ARMC9: variants seen among roughly 807,000 people sequenced by gnomAD.
ARMC9 encodes the protein armadillo repeat containing 9, also known as lisH domain-containing protein ARMC9.
In ARMC9, 94 loss-of-function variants were observed where a neutral mutation model predicts 107.0. That is an observed-to-expected ratio of 0.88 (90% CI 0.74 to 1.04). The LOEUF is 1.04. ARMC9 is among the 50% of genes least tolerant of loss of function. ARMC9 has a pLI of 0.00. For synonymous variants in ARMC9, 380 were observed against 396.9 expected (o/e 0.96, Z 0.51); for missense variants, 942 against 1,030.1 (o/e 0.91, Z 1.17).
Position 231,355,867 on chromosome 2 carries a change from A to G in ARMC9, c.2064A>G (p.Pro688=). ...HARNGHPQAL[P]AAHEAVYREG... ...GAAACGGCCACCCGCAGGCCCTGCC[A>G]GCCGCTCACGAGGCTGTCTACAGGG... The change falls in exon 22 of 25, where the codon CCA becomes CCG. Residue 688 remains proline, a synonymous_variant. Coordinates refer to ENST00000611582, the MANE Select transcript of ARMC9 (RefSeq NM_001352754.2). The G allele has an allele frequency of 6.5e-7, 1 of 1,536,140 alleles. No homozygotes were observed. Among genetic ancestry groups the G allele is most frequent in the Non-Finnish European group, 8.7e-7 (1 of 1,146,898 alleles).
rs1322469713 is a variant in ARMC9, at chr2:231,362,513, G to C, written c.2261+1630G>C. Reference sequence around the variant, plus strand: ...TCATTACATCAAGCAGCGTTGCCTAGCTGGCCCCCCAAGATTCTACTGAGC... The same window carrying C: ...TCATTACATCAAGCAGCGTTGCCTACCTGGCCCCCCAAGATTCTACTGAGC... On this transcript the variant is annotated intron_variant, in intron 23 of 24. Transcript: ENST00000611582. The surrounding 1 kb of genome is among the most constrained non-coding windows in gnomAD (Gnocchi z 4.7). Among the ~76,000 whole-genome samples the C allele has an allele frequency of 2.0e-5, 3 of 151,982 alleles. No individual in the cohort carries two copies. Among genetic ancestry groups the C allele is most frequent in the Non-Finnish European group, 4.4e-5 (3 of 67,990 alleles).
chr2:231,209,218 T>TA (rs1381791357), intron 3 of ARMC9, among the ~76,000 whole-genome samples: 1 of 151,882 alleles, frequency 6.6e-6, no homozygotes, highest in African/African-American at 2.4e-5. Context: ...CTCGTTTCTA[T>TA]AAAAAATAAA....
chr2:231,362,363 A>G lies in ARMC9; in HGVS notation c.2261+1480A>G, dbSNP rs2045624198. Among the ~76,000 whole-genome samples, 1 of 151,860 alleles carries G rather than the reference A, an allele frequency of 6.6e-6. No individual in the cohort carries two copies. The highest frequency in any genetic ancestry group is 1.5e-5 in the Non-Finnish European group (1 of 67,852). On this transcript the variant is annotated intron_variant, in intron 23 of 24. Coordinates refer to ENST00000611582, the MANE Select transcript of ARMC9 (RefSeq NM_001352754.2). This position sits in a 1 kb window ranked among gnomAD's most constrained non-coding sequence, Gnocchi z 4.7. ...GCCAGGCCAAACCTACGCTTCCGGT[A>G]TAGGCCACTTCTTTTTACTTCCTGC...
chr2:231,349,457 A>T (rs566996053), intron 21 of ARMC9, among the ~76,000 whole-genome samples: 1 of 152,046 alleles, frequency 6.6e-6, no homozygotes, highest in African/African-American at 2.4e-5. Flanking sequence ...TGGCTAGGGG[A>T]GTTGGAGAAG....
chr2:231,285,071 G>T (rs929212541), intron 17 of ARMC9, among the ~76,000 whole-genome samples: 2 of 151,986 alleles, frequency 1.3e-5, no homozygotes, highest in Non-Finnish European at 2.9e-5. Context: ...GGTGGCACGT[G>T]CCTGTAATTC....
chr2:231,238,459 T>C (rs1008130705), intron 8 of ARMC9, among the ~76,000 whole-genome samples: 12 of 152,148 alleles, frequency 7.9e-5, no homozygotes, highest in African/African-American at 2.2e-4. Flanking sequence ...AAGCCATCCT[T>C]TCACCTCAGC....
At chr2:231,230,058 C>G (rs1368447836) in intron 7 of ARMC9, among the ~76,000 whole-genome samples, 1 of 152,048 alleles carries the variant, frequency 6.6e-6, no homozygotes. Context: ...TAAGACATCT[C>G]CATTAAAAGT....
At chr2:231,301,804 C>A (rs1282985730) in intron 19 of ARMC9, among the ~76,000 whole-genome samples, 1 of 151,974 alleles carries the variant, frequency 6.6e-6, no homozygotes, top group Non-Finnish European at 1.5e-5. Flanking sequence ...CATGGTGAAA[C>A]CCTGTCTCTA....
At chr2:231,285,580 AGGTT>A (rs1288470241) in intron 17 of ARMC9, among the ~76,000 whole-genome samples, 3 of 151,348 alleles carry the variant, frequency 2.0e-5, no homozygotes, top group African/African-American at 7.3e-5. Flanking sequence ...CAGGAGACAG[AGGTT>A]GTAGTGAGCT....
chr2:231,272,571 T>C (rs59886973), intron 13 of ARMC9, among the ~76,000 whole-genome samples: 72,749 of 151,778 alleles, frequency 0.48, 19,963 homozygotes, highest in African/African-American at 0.76. Flanking sequence ...GGCTAGAGTG[T>C]GGTGGCACGA....
Position 231,269,909 on chromosome 2 carries a change from CTT to C in ARMC9, c.1120-1070_1120-1069del, listed in dbSNP as rs1445216182. 6.8e-5 allele frequency among the ~76,000 whole-genome samples: 7 copies of C among 103,642 alleles called. No individual in the cohort carries two copies. In the East Asian group the frequency reaches 2.4e-3, roughly 36 times the overall value. 68.0% of individuals were successfully genotyped at this position (103,642 alleles called of 152,430 possible). ...ATTTGTTTTGGCCTCCTGGTAGAAA[CTT>C]TTCTCAGATGTCTGCTAGTCCTTGG... On this transcript the variant is annotated intron_variant, in intron 12 of 24. Coordinates refer to ENST00000611582, the MANE Select transcript of ARMC9 (RefSeq NM_001352754.2).
At chr2:231,280,400 G>C (rs2040118049) in intron 16 of ARMC9, among the ~76,000 whole-genome samples, 1 of 152,208 alleles carries the variant, frequency 6.6e-6, no homozygotes, top group Non-Finnish European at 1.5e-5. Flanking sequence ...GGAGGTTGTA[G>C]TGAGCTGAGA....
Position 231,208,225 on chromosome 2 carries a change from C to A in ARMC9, c.150C>A (p.Phe50Leu). The A allele has an allele frequency of 6.2e-7, 1 of 1,609,716 alleles. No individual in the cohort carries two copies. Among genetic ancestry groups the A allele is most frequent in the Non-Finnish European group, 8.5e-7 (1 of 1,178,316 alleles). ...TGTGTAAAACAGTAGGCGGATCTTT[C>A]AGAGACTCCAAATCATTGACAATTC... is the stretch of plus-strand genomic sequence containing the variant. Reference protein sequence around the residue: ...KPLCKTVGGSFRDSKSLTIQK... With the variant: ...KPLCKTVGGSLRDSKSLTIQK... Residue 50 changes from phenylalanine (F) to leucine (L), a missense_variant, in exon 3 of 25, where the codon TTC (phenylalanine) becomes TTA (leucine). Coordinates refer to ENST00000611582, the MANE Select transcript of ARMC9 (RefSeq NM_001352754.2).
At chr2:231,369,778 G>A (rs929929698) in intron 23 of ARMC9, among the ~76,000 whole-genome samples, 175 bp from the exon 24 acceptor site, 1 of 151,828 alleles carries the variant, frequency 6.6e-6, no homozygotes, top group Non-Finnish European at 1.5e-5. Flanking sequence ...ATTTTTAGTA[G>A]TGACGGGGCT....
chr2:231,323,305 A>ATT (rs1354753988), intron 19 of ARMC9, among the ~76,000 whole-genome samples: 2 of 152,166 alleles, frequency 1.3e-5, no homozygotes, highest in Admixed American at 1.3e-4. Flanking sequence ...TTTGCCCATT[A>ATT]TTAAAAGTCC....
rs191714061 is a variant in ARMC9 at position 231,339,233 on chromosome 2, C to G, written c.1879-5742C>G. Among the ~76,000 whole-genome samples the G allele has an allele frequency of 3.3e-3, 506 of 151,830 alleles. 5 individuals carry two copies. The highest frequency in any genetic ancestry group is 0.011 in the African/African-American group (473 of 41,396). Reference sequence around the variant, plus strand: ...ATCCCAGCTACTCAGGAGGCTGAGGCAGGAGAATTGCTTGAACCTGGGAGG... The same window carrying G: ...ATCCCAGCTACTCAGGAGGCTGAGGGAGGAGAATTGCTTGAACCTGGGAGG... On this transcript the variant is annotated intron_variant, in intron 20 of 24. Coordinates refer to ENST00000611582, the MANE Select transcript of ARMC9 (RefSeq NM_001352754.2).
In ARMC9 at chr2:231,297,612, A is replaced by T. The variant is rs1448909956; in HGVS notation, c.1773+1359A>T. Among the ~76,000 whole-genome samples, 1 of 152,204 alleles carries T rather than the reference A, an allele frequency of 6.6e-6. No individual in the cohort carries two copies. The highest frequency in any genetic ancestry group is 1.5e-5 in the Non-Finnish European group (1 of 68,034). ...GAATTTCATACAATTTTTGCATGTC[A>T]TTAAATATTCTTTCAAATACTTAAA... On this transcript the variant is annotated intron_variant, in intron 19 of 24. Transcript: ENST00000611582. This position sits in a 1 kb window ranked among gnomAD's most constrained non-coding sequence, Gnocchi z 4.2.
chr2:231,244,438 C>T, intron 9 of ARMC9, among the ~76,000 whole-genome samples: 1 of 149,864 alleles, frequency 6.7e-6, no homozygotes, highest in Admixed American at 6.7e-5. Context: ...ACGATCAGGG[C>T]CTCTGCTGCC....
At position 231,374,000 on chromosome 2, in the gene ARMC9, A is replaced by G. The variant is rs1426889204; in HGVS notation, c.*2465A>G. ...AGGCCTCTGCGCCACGCCCTGGGAG[A>G]GTACACTCCTGGGCTCACGCCTCTG... On this transcript the variant is annotated 3_prime_UTR_variant, in exon 25 of 25. Coordinates refer to ENST00000611582, the MANE Select transcript of ARMC9 (RefSeq NM_001352754.2). This position sits in a 1 kb window ranked among gnomAD's most constrained non-coding sequence, Gnocchi z 4.4. The G allele has an allele frequency of 6.6e-6, 1 of 152,048 alleles. No individual in the cohort carries two copies. The highest frequency in any genetic ancestry group is 6.6e-5 in the Admixed American group (1 of 15,258). 9.4% of individuals were successfully genotyped at this position (152,048 alleles called of 1,614,324 possible).
Sources: gnomAD v4.1 joint callset for allele counts (sites outside exome capture counted in the v4.1 genomes callset) on GRCh38, gnomAD v4.1.1 for gene constraint, Gnocchi (gnomAD v3.1) non-coding constraint, MANE v1.5 for transcripts, NCBI Gene and HGNC (gene_info 2026-07-23, HGNC 2026-07-21) for gene names.